SRD5A2: variants seen among roughly 807,000 people sequenced by gnomAD.
SRD5A2 encodes steroid 5 alpha-reductase 2, also known as 3-oxo-5-alpha-steroid 4-dehydrogenase 2.
SRD5A2 carries 30 observed loss-of-function variants against 27.4 expected under a neutral mutation model. The observed-to-expected ratio is 1.10, with a 90% CI of 0.82 to 1.49. SRD5A2 has a LOEUF of 1.49. SRD5A2 is among the 40% of genes most tolerant of loss of function. The pLI, the probability that SRD5A2 is intolerant of heterozygous loss-of-function variation, is 0.00. For synonymous variants in SRD5A2, 141 were observed against 133.6 expected (o/e 1.06, Z -0.38); for missense variants, 348 against 323.4 (o/e 1.08, Z -0.58).
At chr2:31,649,965 T>C in the SRD5A2 span, among the ~76,000 whole-genome samples, 2 of 89,656 alleles carry the variant, frequency 2.2e-5, no homozygotes, top group African/African-American at 4.1e-5. Flanking sequence ...TAATCAATTT[T>C]AGATTGATTA....
At chr2:31,532,980 G>A (rs1324508972) in intron 2 of SRD5A2, among the ~76,000 whole-genome samples, 2 of 152,158 alleles carry the variant, frequency 1.3e-5, no homozygotes, top group African/African-American at 4.8e-5. Flanking sequence ...CCAACCCACA[G>A]CCTGTGGGCC....
At chr2:31,629,733 G>T in the SRD5A2 span, among the ~76,000 whole-genome samples, 1 of 152,122 alleles carries the variant, frequency 6.6e-6, no homozygotes, top group African/African-American at 2.4e-5. Flanking sequence ...CTACTCAACA[G>T]TTGCCCATGC....
chr2:31,588,595 C>T, the SRD5A2 span, among the ~76,000 whole-genome samples: 1 of 152,116 alleles, frequency 6.6e-6, no homozygotes, highest in Admixed American at 6.5e-5. Flanking sequence ...ATTTCATCAA[C>T]ACCAGACCTG....
chr2:31,638,147 A>G, the SRD5A2 span, among the ~76,000 whole-genome samples: 1 of 152,080 alleles, frequency 6.6e-6, no homozygotes, highest in Non-Finnish European at 1.5e-5. Context: ...ATTTATTTCA[A>G]GAAATTTTTA....
At chr2:31,651,812 T>C in the SRD5A2 span, 204 of 152,672 alleles carry the variant, frequency 1.3e-3, 3 homozygotes, top group Non-Finnish European at 2.6e-3. Flanking sequence ...GTTTGTACGA[T>C]GAACATCGTG....
chr2:31,575,292 C>A (rs1458106495), intron 1 of SRD5A2, among the ~76,000 whole-genome samples: 1 of 152,158 alleles, frequency 6.6e-6, no homozygotes, highest in African/African-American at 2.4e-5. Flanking sequence ...TTGGCAGGGG[C>A]TCATGAGAAG....
Position 31,522,585 on chromosome 2 carries a change from T to G in SRD5A2, c.*3611A>C, listed in dbSNP as rs929949390. 1.2e-4 allele frequency: 25 copies of G among 207,758 alleles called. No homozygotes were observed. Among genetic ancestry groups the G allele is most frequent in the African/African-American group, 5.5e-4 (24 of 43,854 alleles). The allele number at this position is 207,758 out of a possible 1,614,324, so 12.9% of individuals were successfully genotyped here. On this transcript the variant is annotated 3_prime_UTR_variant, in exon 5 of 5. Coordinates refer to ENST00000622030, the MANE Select transcript of SRD5A2 (RefSeq NM_000348.4). ...CACAATGCAAATAACACAGAACTCT[T>G]TAAGATCACAACTCCATGGACTTGT...
the SRD5A2 span, among the ~76,000 whole-genome samples, chr2:31,633,056 G>A: frequency 2.0e-5 from 3 of 152,064 alleles, no homozygotes; most frequent in Non-Finnish European, 4.4e-5. Context: ...GGAAAGAATA[G>A]AAGGGAACCG....
chr2:31,616,021 T>TGGGGG, the SRD5A2 span, among the ~76,000 whole-genome samples: 1 of 151,970 alleles, frequency 6.6e-6, no homozygotes, highest in South Asian at 2.1e-4. Context: ...GTCAAGAATT[T>TGGGGG]AGGTTTGGGA....
the SRD5A2 span, among the ~76,000 whole-genome samples, chr2:31,622,628 A>G: frequency 1.3e-5 from 2 of 152,122 alleles, no homozygotes; most frequent in Non-Finnish European, 2.9e-5. Flanking sequence ...TTTTTAGTGC[A>G]TCTCATCAAT....
At chr2:31,619,624 A>G in the SRD5A2 span, among the ~76,000 whole-genome samples, 2 of 152,058 alleles carry the variant, frequency 1.3e-5, no homozygotes, top group African/African-American at 4.8e-5. Flanking sequence ...ACTTTTTAGT[A>G]ATAGCCATTC....
chr2:31,537,319 A>C (rs570543966), intron 1 of SRD5A2, among the ~76,000 whole-genome samples: 14 of 151,744 alleles, frequency 9.2e-5, no homozygotes, highest in Non-Finnish European at 7.4e-5. Flanking sequence ...CTTTATAGCA[A>C]CTCCAGAGAG....
chr2:31,643,494 C>T, the SRD5A2 span, among the ~76,000 whole-genome samples: 3 of 151,522 alleles, frequency 2.0e-5, no homozygotes, highest in African/African-American at 7.3e-5. Flanking sequence ...TTTTTTTTAG[C>T]TTTGTCTCCT....
chr2:31,660,770 A>G, the SRD5A2 span, among the ~76,000 whole-genome samples: 2 of 152,200 alleles, frequency 1.3e-5, no homozygotes, highest in East Asian at 3.9e-4. Flanking sequence ...ATTGGAAGCT[A>G]TCTAAATGTT....
At chr2:31,632,275 T>C in the SRD5A2 span, among the ~76,000 whole-genome samples, 3 of 152,144 alleles carry the variant, frequency 2.0e-5, no homozygotes, top group Non-Finnish European at 4.4e-5. Flanking sequence ...CTCAGGCAAG[T>C]GGACTTTGGT....
At chr2:31,621,793 C>T in the SRD5A2 span, among the ~76,000 whole-genome samples, 1 of 151,900 alleles carries the variant, frequency 6.6e-6, no homozygotes, top group Non-Finnish European at 1.5e-5. Flanking sequence ...TATACCACCA[C>T]CCCTGGCTAA....
chr2:31,625,930 G>C, the SRD5A2 span, among the ~76,000 whole-genome samples: 2 of 152,130 alleles, frequency 1.3e-5, no homozygotes, highest in Non-Finnish European at 2.9e-5. Context: ...GGATGGCATT[G>C]AATCTATACA....
At chr2:31,559,175 G>T (rs544810410) in intron 1 of SRD5A2, among the ~76,000 whole-genome samples, 2 of 152,176 alleles carry the variant, frequency 1.3e-5, no homozygotes, top group Admixed American at 1.3e-4. Flanking sequence ...TGAGCTCCCA[G>T]ACTGTGTGAT....
chr2:31,622,232 G>C, the SRD5A2 span, among the ~76,000 whole-genome samples: 1 of 151,880 alleles, frequency 6.6e-6, no homozygotes, highest in East Asian at 1.9e-4. Flanking sequence ...TTGGTATTCT[G>C]CTTCTGTGTT....
Sources: allele counts gnomAD v4.1 joint callset (sites outside exome capture counted in the v4.1 genomes callset), GRCh38; gene constraint gnomAD v4.1.1; transcripts MANE v1.5; gene names NCBI Gene and HGNC (gene_info 2026-07-23, HGNC 2026-07-21).